The following LGI4 variants were observed in gnomAD, a reference collection of about 807,000 sequenced individuals.
LGI4 encodes leucine-rich repeat LGI family member 4.
A neutral mutation model predicts 48.3 loss-of-function variants in LGI4; 36 were observed. The ratio of observed to expected loss-of-function variants is 0.75; its 90% CI spans 0.57 to 0.98. The LOEUF is 0.98. Ranked by LOEUF, LGI4 falls within the 50% of genes least tolerant of loss-of-function variation. LGI4 has a pLI of 0.00. For missense variants in LGI4, 701 were observed against 732.1 expected (o/e 0.96, Z 0.49); for synonymous variants, 355 against 331.6 (o/e 1.07, Z -0.77).
At chr19:35,131,188 T>A (rs1342429674) in intron 6 of LGI4, 198 bp downstream of exon 6, 1 of 700,102 alleles carries the variant, frequency 1.4e-6, no homozygotes, top group Non-Finnish European at 2.5e-6. Context: ...TATCATTGAA[T>A]TCCCATGGCA....
intron 1 of LGI4, 26 bp downstream of exon 1, chr19:35,134,485 G>C: frequency 6.4e-7 from 1 of 1,563,734 alleles, no homozygotes; most frequent in Non-Finnish European, 8.7e-7. Context: ...CCCCACCTTC[G>C]GGCATGCAGA....
At chr19:35,129,731 G>A (rs1198474513) in intron 6 of LGI4, among the ~76,000 whole-genome samples, 4 of 152,180 alleles carry the variant, frequency 2.6e-5, no homozygotes, top group African/African-American at 7.2e-5. Context: ...ATATGGCCTC[G>A]TGGGAAGGGA....
In LGI4 at chr19:35,126,775, G is replaced by A; in HGVS notation, c.794C>T (p.Ala265Val). The A allele has an allele frequency of 1.3e-6, 2 of 1,555,578 alleles. No homozygotes were observed. Among genetic ancestry groups the A allele is most frequent in the Middle Eastern group, 1.7e-4 (1 of 5,934 alleles). The change falls in exon 8 of 9, where the codon GCG becomes GTG. Residue 265 changes from alanine to valine, a missense_variant and splice_region_variant. Ala to Val is a moderately conservative substitution (Grantham distance 64). This residue lies in a region of LGI4 where 462 missense variants were observed against 436.4 expected (regional missense o/e 1.06). Coordinates refer to ENST00000310123, the MANE Select transcript of LGI4 (RefSeq NM_139284.3). The stretch of plus-strand genomic sequence containing the variant: ...TGGCTTGCAGGACACCACGGAGGCC[G>A]CTGTGGGGAGGTGGGGAGGCAGGTC... Reference protein sequence around the residue: ...QRFRPEEELPAASVVSCKPLV... With the variant: ...QRFRPEEELPVASVVSCKPLV...
In LGI4 at chr19:35,131,491, TG is replaced by T; in HGVS notation, c.522del (p.Thr175ProfsTer2). On this transcript the variant is annotated frameshift_variant, in exon 6 of 9. Transcript: ENST00000310123. LOFTEE classifies it high-confidence loss of function. ...CCGGTCCCCACGCTGGCATTCACGGTGGGCATCCACTGCAGGAGCCAGAGGA... is the reference window on the plus strand; with the variant it reads ...CCGGTCCCCACGCTGGCATTCACGGTGGCATCCACTGCAGGAGCCAGAGGA... ...CRVLWLLQWM[P>X]TVNASVGTGA... 6.4e-7 allele frequency: 1 copy of T among 1,551,170 alleles called. No homozygotes were observed. Among genetic ancestry groups the T allele is most frequent in the Non-Finnish European group, 8.7e-7 (1 of 1,146,948 alleles).
At position 35,134,776 on chromosome 19, in the gene LGI4, G is replaced by A. The variant is rs897428688; in HGVS notation, c.-96C>T. On this transcript the variant is annotated 5_prime_UTR_variant, in exon 1 of 9. Transcript: ENST00000310123. ...TCCTCCACCAGGCCGCCCTCCATCC[G>A]CCTGCTGGCACGCTCGGCCCTGGCT... The A allele has an allele frequency of 3.2e-5, 20 of 633,626 alleles. No individual in the cohort carries two copies. Among genetic ancestry groups the A allele is most frequent in the Non-Finnish European group, 5.0e-5 (19 of 378,068 alleles). 39.3% of individuals were successfully genotyped at this position (633,626 alleles called of 1,614,324 possible). A position where few individuals can be genotyped will look rare whatever the true frequency, so the allele number is the denominator to read the frequency against.
chr19:35,125,676 C>T, intron 8 of LGI4, 169 bp from the exon 9 acceptor site: 1 of 715,424 alleles, frequency 1.4e-6, no homozygotes, highest in South Asian at 1.5e-5. Context: ...CTGAGCCCTT[C>T]CCTTGCCCTC....
chr19:35,127,080 C>G, intron 6 of LGI4, 63 bp from the exon 7 acceptor site: 1 of 1,490,188 alleles, frequency 6.7e-7, no homozygotes, highest in South Asian at 1.3e-5. Flanking sequence ...TGCTGAGCCT[C>G]AGTTTGCCTA....
rs1044363413 is a variant in LGI4 at position 35,126,456 on chromosome 19, C to T, written c.1113G>A (p.Glu371=). Residue 371 remains glutamate, a synonymous_variant, in exon 8 of 9, where the codon GAG becomes GAA. Transcript: ENST00000310123. ...GCAGCAGGTGGGGCCGGCCGTCCAGCTCCAGGGCCTCAGCGTCCGTGTCCC... is the reference window on the plus strand; with the variant it reads ...GCAGCAGGTGGGGCCGGCCGTCCAGTTCCAGGGCCTCAGCGTCCGTGTCCC... ...WHRDTDAEAL[E]LDGRPHLLLA... 1.9e-6 allele frequency: 3 copies of T among 1,585,172 alleles called. No individual in the cohort carries two copies. Among genetic ancestry groups the T allele is most frequent in the East Asian group, 4.5e-5 (2 of 43,958 alleles).
intron 6 of LGI4, among the ~76,000 whole-genome samples, chr19:35,127,294 C>T (rs1037550692): frequency 6.6e-6 from 1 of 152,224 alleles, no homozygotes; most frequent in African/African-American, 2.4e-5. Context: ...AAGCAATCCT[C>T]CTTCCTCAGC....
At position 35,131,455 on chromosome 19, in the gene LGI4, C is replaced by G; in HGVS notation, c.559G>C (p.Gly187Arg). 6.4e-7 allele frequency: 1 copy of G among 1,551,926 alleles called. No individual in the cohort carries two copies. The highest frequency in any genetic ancestry group is 8.7e-7 in the Non-Finnish European group (1 of 1,147,192). Residue 187 changes from glycine (G) to arginine (R), a missense_variant, in exon 6 of 9, where the codon GGC becomes CGC. Physicochemically the swap from Gly to Arg is moderately radical, Grantham distance 125. Transcript: ENST00000310123. ...TGCATGTGGCTCAGGGAGGCGGGGC[C>G]CGCACAGGCGCCGGTCCCCACGCTG... is the stretch of plus-strand genomic sequence containing the variant. ...NASVGTGACA[G>R]PASLSHMQLH...
intron 5 of LGI4, 84 bp from the exon 6 acceptor site, chr19:35,131,639 C>A (rs924523738): frequency 4.7e-6 from 7 of 1,491,286 alleles, no homozygotes; most frequent in Non-Finnish European, 6.3e-6. Context: ...AGGCAAGTGT[C>A]CCCAGAGATG....
intron 6 of LGI4, chr19:35,131,033 G>T (rs548482178): frequency 2.2e-5 from 13 of 579,964 alleles, no homozygotes; most frequent in Non-Finnish European, 3.9e-5. Context: ...TGTAAAGGAG[G>T]TGACATTGCA....
At position 35,131,393 on chromosome 19, in the gene LGI4, T is replaced by C. The variant is rs563254274; in HGVS notation, c.621A>G (p.Arg207=). ...ATCGGGAAAGCCCCCCACCTATGGC[T>C]CTGCACTTGAAAGTCTTGGGGTCGA... ...HHLDPKTFKC[R]AIELSWFQTV... The change falls in exon 6 of 9, where the codon AGA becomes AGG. Residue 207 remains arginine, a synonymous_variant. Coordinates refer to ENST00000310123, the MANE Select transcript of LGI4 (RefSeq NM_139284.3). The C allele has an allele frequency of 1.3e-6, 2 of 1,550,384 alleles. No homozygotes were observed. Among genetic ancestry groups the C allele is most frequent in the Admixed American group, 2.0e-5 (1 of 50,806 alleles).
In LGI4 at chr19:35,133,669, C is replaced by T. The variant is rs761341877; in HGVS notation, c.314+24G>A. 2.5e-6 allele frequency: 4 copies of T among 1,580,074 alleles called. No homozygotes were observed. In the African/African-American group the frequency reaches 4.0e-5, roughly 16 times the overall value. ...GTCCCTCCTTGCCCAGACCCACCTG[C>T]CTCCATCCCCTGGCCTCACTCACAG... is the stretch of plus-strand genomic sequence containing the variant. On this transcript the variant is annotated intron_variant, in intron 3 of 8. Transcript: ENST00000310123.
At chr19:35,128,531 A>G (rs369894648) in intron 6 of LGI4, among the ~76,000 whole-genome samples, 49 of 152,248 alleles carry the variant, frequency 3.2e-4, no homozygotes, top group African/African-American at 1.1e-3. Flanking sequence ...CAACATGGTG[A>G]AAACCCCATC....
chr19:35,131,925 A>G (rs1248223773), intron 4 of LGI4, 46 bp downstream of exon 4: 1 of 1,569,454 alleles, frequency 6.4e-7, no homozygotes, highest in East Asian at 2.3e-5. Context: ...TGGGGGGTGG[A>G]GCATGGGTGC....
chr19:35,129,328 T>C lies in LGI4; in HGVS notation c.628+2058A>G, dbSNP rs115905416. Among the ~76,000 whole-genome samples the C allele has an allele frequency of 8.3e-3, 1,253 of 151,170 alleles. 22 individuals carry two copies. The highest frequency in any genetic ancestry group is 0.029 in the African/African-American group (1,189 of 41,308). On this transcript the variant is annotated intron_variant, in intron 6 of 8. Transcript: ENST00000310123. Reference sequence around the variant, plus strand: ...ATAATAATTATGTATGCATATATAATTATATATATATTATATATACATGTT... The same window carrying C: ...ATAATAATTATGTATGCATATATAACTATATATATATTATATATACATGTT...
In LGI4 at chr19:35,133,706, G is replaced by A. The variant is rs565091735; in HGVS notation, c.301C>T (p.His101Tyr). The part of the protein sequence containing the change: ...IEDDAFAGLS[H>Y]LQYLFIEDNE... ...GGCCTCACTCACAGGTACTGCAGGT[G>A]GGACAGGCCCGCAAATGCATCGTCC... The change falls in exon 3 of 9, where the codon CAC becomes TAC. Residue 101 changes from histidine (H) to tyrosine (Y), a missense_variant. His to Tyr is a moderately conservative substitution (Grantham distance 83). This residue lies in a region of LGI4 where 462 missense variants were observed against 436.4 expected (regional missense o/e 1.06). Transcript: ENST00000310123. 56 of 1,606,240 alleles carry A rather than the reference G, an allele frequency of 3.5e-5. 2 individuals are homozygous for A. In the South Asian group the frequency reaches 5.7e-4, roughly 16 times the overall value.
chr19:35,131,493 G>A lies in LGI4; in HGVS notation c.521C>T (p.Pro174Leu). ...CRVLWLLQWM[P>L]TVNASVGTGA... ...GGTCCCCACGCTGGCATTCACGGTG[G>A]GCATCCACTGCAGGAGCCAGAGGAC... Residue 174 changes from proline (P) to leucine (L), a missense_variant, in exon 6 of 9, where the codon CCC (proline) becomes CTC (leucine). Around this residue, in one of 3 missense-constraint regions of LGI4, gnomAD observed 462 missense variants for 436.4 expected, o/e 1.06. Transcript: ENST00000310123. The A allele has an allele frequency of 6.4e-7, 1 of 1,551,274 alleles. No individual in the cohort carries two copies. The highest frequency in any genetic ancestry group is 1.2e-5 in the South Asian group (1 of 84,050).
Sources: allele counts gnomAD v4.1 joint callset (sites outside exome capture counted in the v4.1 genomes callset), GRCh38; gene constraint gnomAD v4.1.1; regional missense constraint gnomAD v4.1.1; transcripts MANE v1.5; gene names NCBI Gene and HGNC (gene_info 2026-07-23, HGNC 2026-07-21).